The following MCMBP variants were observed in gnomAD, a reference collection of about 807,000 sequenced individuals.
MCMBP encodes minichromosome maintenance complex binding protein.
A neutral mutation model predicts 81.3 loss-of-function variants in MCMBP; 31 were observed. The ratio of observed to expected loss-of-function variants is 0.38; its 90% confidence interval spans 0.29 to 0.51. The LOEUF is 0.51. Ranked by LOEUF, MCMBP falls within the 20% of genes least tolerant of loss-of-function variation. The pLI, the probability that MCMBP is intolerant of heterozygous loss-of-function variation, is 0.87. For missense variants in MCMBP, 645 were observed against 772.1 expected, an observed-to-expected ratio of 0.84 and a Z score of 1.95; for synonymous variants, 267 against 275.9, an observed-to-expected ratio of 0.97 and a Z score of 0.32.
intron 6 of MCMBP, among the ~76,000 whole-genome samples, chr10:119,850,502 C>A (rs529424845): frequency 6.6e-6 from 1 of 152,108 alleles, no homozygotes; most frequent in Non-Finnish European, 1.5e-5. Flanking sequence ...GTAATCCCAG[C>A]ACTTTGGGAG....
upstream of MCMBP, among the ~76,000 whole-genome samples, chr10:119,873,217 C>G (rs946993858): frequency 6.6e-6 from 1 of 152,160 alleles, no homozygotes; most frequent in Non-Finnish European, 1.5e-5. Context: ...CCTTGGGAAT[C>G]CGCCCACCTC....
At chr10:119,867,639 G>A (rs1853520119) in intron 1 of MCMBP, among the ~76,000 whole-genome samples, 2 of 152,086 alleles carry the variant, frequency 1.3e-5, no homozygotes, top group South Asian at 2.1e-4. Flanking sequence ...GGTTGGAACC[G>A]AGAACAAGTA....
Position 119,857,414 on chromosome 10 carries a change from G to C in MCMBP, c.353C>G (p.Ser118Cys), listed in dbSNP as rs770959455. Residue 118 changes from serine to cysteine, a missense_variant, in exon 5 of 16, where the codon TCT becomes TGT. Physicochemically the swap from Ser to Cys is moderately radical, Grantham distance 112. Coordinates refer to ENST00000369077, the MANE Select transcript of MCMBP (RefSeq NM_001256378.2). Reference sequence around the variant, plus strand: ...TCTTTCCAAAGTGGTATTTCGTGGAGAGTTTAAATCAAGTTCTTGTTGAGG... The same window carrying C: ...TCTTTCCAAAGTGGTATTTCGTGGACAGTTTAAATCAAGTTCTTGTTGAGG... Reference protein sequence around the residue: ...CGPQQELDLNSPRNTTLERQT... With the variant: ...CGPQQELDLNCPRNTTLERQT... The C allele has an allele frequency of 6.2e-7, 1 of 1,610,640 alleles. No homozygotes were observed. The highest frequency in any genetic ancestry group is 8.5e-7 in the Non-Finnish European group (1 of 1,177,622).
intron 6 of MCMBP, among the ~76,000 whole-genome samples, chr10:119,851,264 A>G (rs1022724122): frequency 6.6e-6 from 1 of 152,216 alleles, no homozygotes; most frequent in Non-Finnish European, 1.5e-5. Context: ...CTAAACACCA[A>G]CAAGTGTTAC....
intron 10 of MCMBP, among the ~76,000 whole-genome samples, chr10:119,841,803 T>C (rs996603920): frequency 1.3e-5 from 2 of 152,264 alleles, no homozygotes; most frequent in African/African-American, 4.8e-5. Context: ...CTAGTGTCAA[T>C]GTCCACGTTA....
At chr10:119,844,680 C>T (rs992165672) in intron 8 of MCMBP, among the ~76,000 whole-genome samples, 2 of 152,100 alleles carry the variant, frequency 1.3e-5, no homozygotes, top group South Asian at 4.2e-4. Context: ...TTTGAGTCAG[C>T]GGGCTGGGAG....
At chr10:119,851,799 A>G (rs1852833507) in intron 6 of MCMBP, among the ~76,000 whole-genome samples, 1 of 152,204 alleles carries the variant, frequency 6.6e-6, no homozygotes, top group African/African-American at 2.4e-5. Context: ...CAATTTATAA[A>G]GTAGAGTAAT....
intron 4 of MCMBP, chr10:119,858,246 A>T (rs1475698388): frequency 6.6e-6 from 1 of 152,234 alleles, no homozygotes; most frequent in African/African-American, 2.4e-5. Flanking sequence ...ACACTACCAA[A>T]GGCTAACAGA....
upstream of MCMBP, among the ~76,000 whole-genome samples, chr10:119,873,066 G>A (rs900420795): frequency 3.9e-5 from 6 of 152,020 alleles, no homozygotes; most frequent in Non-Finnish European, 7.4e-5. Flanking sequence ...GCGCGTTGTC[G>A]TTTGTACCCC....
At chr10:119,842,766 CCTT>C (rs1852478236) in intron 9 of MCMBP, 171 bp from the exon 10 acceptor site, 4 of 661,186 alleles carry the variant, frequency 6.0e-6, no homozygotes, top group South Asian at 2.3e-5. Flanking sequence ...TTTGCATCCT[CCTT>C]TTTTTTTTTT....
intron 15 of MCMBP, 113 bp downstream of exon 15, chr10:119,831,899 A>T: frequency 1.7e-6 from 2 of 1,153,936 alleles, no homozygotes; most frequent in Non-Finnish European, 2.5e-6. Context: ...CAGCGTTTTT[A>T]AAAGGAAAAG....
chr10:119,835,646 A>G lies in MCMBP; in HGVS notation c.1601T>C (p.Met534Thr), dbSNP rs747264422. ...CAGCACCGCTGAGAGAAGGCTGTTC[A>G]TGTACTCCTCCATGTTTGGTGGAAT... The part of the protein sequence containing the change: ...QLIPPNMEEY[M>T]NSLLSAVLPS... Residue 534 changes from methionine (M) to threonine (T), a missense_variant, in exon 14 of 16, where the codon ATG becomes ACG. Met to Thr is a moderately conservative substitution (Grantham distance 81). Coordinates refer to ENST00000369077, the MANE Select transcript of MCMBP (RefSeq NM_001256378.2). 38 of 1,614,120 alleles carry G rather than the reference A, an allele frequency of 2.4e-5. No individual in the cohort carries two copies. The highest frequency in any genetic ancestry group is 2.7e-5 in the Non-Finnish European group (32 of 1,180,044).
chr10:119,869,862 C>T (rs11199108), intron 1 of MCMBP, among the ~76,000 whole-genome samples: 21 of 152,292 alleles, frequency 1.4e-4, no homozygotes, highest in East Asian at 1.4e-3. Context: ...TACTAAAAAG[C>T]GGTGTCCTCT....
intron 11 of MCMBP, among the ~76,000 whole-genome samples, chr10:119,840,514 T>C (rs552176710): frequency 6.6e-6 from 1 of 152,366 alleles, no homozygotes; most frequent in African/African-American, 2.4e-5. Context: ...ATTATGCTCC[T>C]ACAATTTAGA....
chr10:119,842,901 A>C (rs937338759), intron 9 of MCMBP: 11 of 371,150 alleles, frequency 3.0e-5, no homozygotes, highest in African/African-American at 2.3e-4. Context: ...TTACAGGCAC[A>C]CGCCACCACA....
chr10:119,854,942 G>A (rs1465362999), intron 5 of MCMBP, among the ~76,000 whole-genome samples: 1 of 146,186 alleles, frequency 6.8e-6, no homozygotes, highest in Admixed American at 6.9e-5. Context: ...GACAGAGCAG[G>A]ACTCTGCCTC....
chr10:119,857,234 AAC>A, intron 5 of MCMBP, 102 bp downstream of exon 5: 2 of 789,206 alleles, frequency 2.5e-6, no homozygotes, highest in Non-Finnish European at 4.0e-6. Flanking sequence ...GAACAAATGA[AAC>A]ACACTTTATT....
At chr10:119,870,451 A>C (rs1853633247) in intron 1 of MCMBP, among the ~76,000 whole-genome samples, 1 of 152,168 alleles carries the variant, frequency 6.6e-6, no homozygotes, top group African/African-American at 2.4e-5. Context: ...TCTCAAAAAA[A>C]AAAAATGCAT....
chr10:119,835,226 C>T (rs937961077), intron 14 of MCMBP, among the ~76,000 whole-genome samples: 27 of 152,136 alleles, frequency 1.8e-4, no homozygotes, highest in Non-Finnish European at 2.4e-4. Flanking sequence ...ATTAGCCACA[C>T]AAATTTTTTT....
Sources: gnomAD v4.1 joint callset for allele counts (sites outside exome capture counted in the v4.1 genomes callset) on GRCh38, gnomAD v4.1.1 for gene constraint, MANE v1.5 for transcripts, NCBI Gene and HGNC (gene_info 2026-07-23, HGNC 2026-07-21) for gene names.